Variants in SDK1 observed in about 807,000 individuals in gnomAD.
The protein encoded by SDK1 is protein sidekick-1.
A neutral mutation model predicts 245.5 loss-of-function variants in SDK1; 157 were observed. The observed-to-expected ratio is 0.64, with a 90% confidence interval of 0.56 to 0.73. The LOEUF (loss-of-function observed/expected upper bound fraction) is 0.73. SDK1 is among the 30% of genes least tolerant of loss of function. The probability of loss-of-function intolerance (pLI) is 0.00; values close to 1 mark genes in which losing one functional copy is unlikely to be tolerated. For synonymous variants in SDK1, 1,647 were observed against 1,278.5 expected, an observed-to-expected ratio of 1.29 and a Z score of -6.15; for missense variants, 3,583 against 3,002.3, an observed-to-expected ratio of 1.19 and a Z score of -4.52.
intron 1 of SDK1, among the ~76,000 whole-genome samples, chr7:3,560,465 T>TC (rs1247716372): frequency 1.3e-5 from 2 of 152,178 alleles, no homozygotes; most frequent in African/African-American, 4.8e-5. Context: ...TTGGATAGTA[T>TC]CATTGGGTTT....
rs1782732739 is a variant in SDK1, at chr7:3,974,368, G to A, written c.1818-1G>A. 1 of 1,611,092 alleles carries A rather than the reference G, an allele frequency of 6.2e-7. No individual in the cohort carries two copies. Among genetic ancestry groups the A allele is most frequent in the Admixed American group, 1.7e-5 (1 of 59,936 alleles). ...CTCAAGACCCTTTGCTTGGCCCACAGCTACGTTTGGAAGAAGGACAACGTG... is the reference window on the plus strand; with the variant it reads ...CTCAAGACCCTTTGCTTGGCCCACAACTACGTTTGGAAGAAGGACAACGTG... On this transcript the variant is annotated splice_acceptor_variant, in intron 12 of 44. Transcript: ENST00000404826. LOFTEE classifies it high-confidence loss of function.
intron 4 of SDK1, among the ~76,000 whole-genome samples, chr7:3,819,876 A>T (rs1026956009): frequency 2.1e-4 from 32 of 152,354 alleles, no homozygotes; most frequent in Non-Finnish European, 4.0e-4. Flanking sequence ...AAGGATTATT[A>T]TAATGCTAAA....
At chr7:3,987,111 C>T in intron 13 of SDK1, 75 bp from the exon 14 acceptor site, 1 of 1,474,040 alleles carries the variant, frequency 6.8e-7, no homozygotes, top group South Asian at 1.2e-5. Flanking sequence ...GGACGGTCTG[C>T]TGTAAGAGCT....
At chr7:4,010,025 C>T (rs952130403) in intron 14 of SDK1, among the ~76,000 whole-genome samples, 1 of 152,202 alleles carries the variant, frequency 6.6e-6, no homozygotes, top group Non-Finnish European at 1.5e-5. Context: ...AAAGCATGTG[C>T]CACCTCTTTC....
chr7:3,518,121 A>G (rs1161394855), intron 1 of SDK1, among the ~76,000 whole-genome samples: 1 of 152,188 alleles, frequency 6.6e-6, no homozygotes, highest in Non-Finnish European at 1.5e-5. Context: ...CTAGAAGATA[A>G]GATGAGCTTA....
intron 4 of SDK1, among the ~76,000 whole-genome samples, chr7:3,751,267 G>C (rs1047028633): frequency 6.6e-6 from 1 of 152,156 alleles, no homozygotes; most frequent in Non-Finnish European, 1.5e-5. Flanking sequence ...TCCTTCTCAA[G>C]GTATCAAATA....
At chr7:3,713,206 A>T (rs1425015934) in intron 4 of SDK1, among the ~76,000 whole-genome samples, 1 of 152,238 alleles carries the variant, frequency 6.6e-6, no homozygotes, top group African/African-American at 2.4e-5. Flanking sequence ...GAATTGATGG[A>T]TGATGAAGAC....
At chr7:3,409,404 C>T (rs569943813) in intron 1 of SDK1, among the ~76,000 whole-genome samples, 5 of 151,694 alleles carry the variant, frequency 3.3e-5, no homozygotes, top group Non-Finnish European at 7.4e-5. Flanking sequence ...GTTTGTGTCT[C>T]GCTGCCTGTA....
In SDK1 at chr7:4,151,336, C is replaced by T. The variant is rs1357979181; in HGVS notation, c.4625+1873C>T. On this transcript the variant is annotated intron_variant, in intron 30 of 44. Coordinates refer to ENST00000404826, the MANE Select transcript of SDK1 (RefSeq NM_152744.4). ...CTCATGGTCCAAGCAGCCCTCTGCTCTTCTGAAAATCGAGGTGGAATGGTC... is the reference window on the plus strand; with the variant it reads ...CTCATGGTCCAAGCAGCCCTCTGCTTTTCTGAAAATCGAGGTGGAATGGTC... Among the ~76,000 whole-genome samples the T allele has an allele frequency of 6.6e-5, 10 of 152,336 alleles. No homozygotes were observed. The East Asian group carries it at 1.4e-3, about 21-fold the overall frequency.
intron 5 of SDK1, among the ~76,000 whole-genome samples, chr7:3,854,214 G>A (rs185603329): frequency 5.3e-5 from 8 of 152,228 alleles, no homozygotes; most frequent in Admixed American, 3.3e-4. Context: ...GAACCATAGA[G>A]GTTTTGAAAT....
At chr7:3,435,865 C>G (rs991275331) in intron 1 of SDK1, among the ~76,000 whole-genome samples, 2 of 152,186 alleles carry the variant, frequency 1.3e-5, no homozygotes, top group African/African-American at 2.4e-5. Context: ...ATTTCCAGCC[C>G]TAACCTCTCC....
At chr7:3,339,915 G>A (rs1780301783) in intron 1 of SDK1, among the ~76,000 whole-genome samples, 1 of 151,942 alleles carries the variant, frequency 6.6e-6, no homozygotes, top group African/African-American at 2.4e-5. Context: ...ATCATAAAAA[G>A]TTATTTCTTT....
intron 1 of SDK1, among the ~76,000 whole-genome samples, chr7:3,479,421 C>CA (rs56094646): frequency 0.012 from 794 of 66,216 alleles, 6 homozygotes; most frequent in East Asian, 0.021. Flanking sequence ...GACTGTGTCT[C>CA]AAAAAAAAAA....
intron 1 of SDK1, among the ~76,000 whole-genome samples, chr7:3,306,838 C>T (rs1275914318): frequency 6.6e-6 from 1 of 152,058 alleles, no homozygotes; most frequent in Admixed American, 6.5e-5. Flanking sequence ...TACGGTGTCC[C>T]AGAGATCAGA....
intron 4 of SDK1, 89 bp downstream of exon 4, chr7:3,642,194 A>G: frequency 2.3e-6 from 3 of 1,309,806 alleles, no homozygotes; most frequent in East Asian, 2.5e-5. Flanking sequence ...AATTAAGGTT[A>G]CCGATGATTT....
At chr7:3,595,865 A>AC (rs1189384535) in intron 1 of SDK1, among the ~76,000 whole-genome samples, 3 of 150,388 alleles carry the variant, frequency 2.0e-5, no homozygotes, top group African/African-American at 7.3e-5. Flanking sequence ...AACAACAACA[A>AC]AAAAGGAGGT....
chr7:3,376,435 C>G (rs116159130), intron 1 of SDK1, among the ~76,000 whole-genome samples: 2,778 of 151,664 alleles, frequency 0.018, 77 homozygotes, highest in African/African-American at 0.058. Context: ...TCTCGGAGAA[C>G]TCTTAAAAAT....
chr7:4,011,194 G>A, intron 15 of SDK1, 81 bp downstream of exon 15: 1 of 1,518,176 alleles, frequency 6.6e-7, no homozygotes, highest in Non-Finnish European at 8.9e-7. Context: ...TTATGTGGTG[G>A]AATTGATCAC....
At chr7:3,363,083 C>T (rs551039801) in intron 1 of SDK1, among the ~76,000 whole-genome samples, 55 of 152,280 alleles carry the variant, frequency 3.6e-4, no homozygotes, top group Admixed American at 3.6e-3. Context: ...CAGAACGTTT[C>T]CATCACCACA....
Sources: allele counts gnomAD v4.1 joint callset (sites outside exome capture counted in the v4.1 genomes callset), GRCh38; gene constraint gnomAD v4.1.1; transcripts MANE v1.5; gene names NCBI Gene and HGNC (gene_info 2026-07-23, HGNC 2026-07-21).